The following ZNF7 variants were observed in gnomAD, a reference collection of about 807,000 sequenced individuals.
The protein encoded by ZNF7 is C2-H2 type zinc finger protein.
Under a neutral mutation model 12.0 loss-of-function variants are expected in ZNF7, and 10 were observed. The ratio of observed to expected loss-of-function variants is 0.83; its 90% confidence interval spans 0.51 to 1.42. The LOEUF is 1.42. ZNF7 is among the 40% of genes most tolerant of loss of function. ZNF7 has a pLI of 0.00. For synonymous variants in ZNF7, 334 were observed against 295.0 expected (o/e 1.13, Z -1.35); for missense variants, 854 against 837.2 (o/e 1.02, Z -0.25).
Position 144,843,381 on chromosome 8 carries a change from AGG to A in ZNF7, c.*214_*215del, listed in dbSNP as rs1830237655. On this transcript the variant is annotated 3_prime_UTR_variant, in exon 5 of 5. Coordinates refer to ENST00000532777, the MANE Select transcript of ZNF7 (RefSeq NM_003416.4). ...AAGGCGGGCACATCACGAGGTCAGG[AGG>A]TTGAGACCATCCTGGGTAACAGGTG... 7.9e-6 allele frequency: 4 copies of A among 507,194 alleles called. No individual in the cohort carries two copies. Among genetic ancestry groups the A allele is most frequent in the African/African-American group, 5.9e-5 (3 of 50,878 alleles). The allele number at this position is 507,194 out of a possible 1,614,324, so 31.4% of individuals were successfully genotyped here.
chr8:144,828,260 C>T (rs1014419035), intron 1 of ZNF7, among the ~76,000 whole-genome samples: 10 of 152,306 alleles, frequency 6.6e-5, no homozygotes, highest in African/African-American at 2.4e-4. Context: ...GGTCTGGGGT[C>T]ATTGGCTTAA....
chr8:144,847,109 C>G (rs1231210836), downstream of ZNF7: 1 of 152,220 alleles, frequency 6.6e-6, no homozygotes, highest in Non-Finnish European at 1.5e-5. Flanking sequence ...AGCTACTGCA[C>G]AGCTTTGAGA....
At chr8:144,846,231 A>T, downstream of ZNF7, 1 of 1,501,306 alleles carries the variant, frequency 6.7e-7, no homozygotes, top group Non-Finnish European at 8.9e-7. Context: ...ACTAACAGCA[A>T]CCAGCCAAAA....
At chr8:144,829,178 C>T in intron 2 of ZNF7, 88 bp downstream of exon 2, 2 of 1,598,148 alleles carry the variant, frequency 1.3e-6, no homozygotes, top group Non-Finnish European at 1.7e-6. Context: ...CCAGACCCTA[C>T]CTTGGCCCTT....
chr8:144,843,165 A>C lies in ZNF7; in HGVS notation c.2058A>C (p.Gly686=). ...CCCAGCATCAAAAAATTCACATGGG[A>C]TAGACCACTTACATATAAATGTGTA... is the stretch of plus-strand genomic sequence containing the variant. ...RLTQHQKIHM[G] Residue 686 remains glycine, a synonymous_variant, in exon 5 of 5, where the codon GGA becomes GGC. Transcript: ENST00000532777. 6.3e-7 allele frequency: 1 copy of C among 1,575,140 alleles called. No homozygotes were observed. Among genetic ancestry groups the C allele is most frequent in the Non-Finnish European group, 8.6e-7 (1 of 1,164,418 alleles).
rs747035328 is a variant in ZNF7 at position 144,829,518 on chromosome 8, G to A, written c.44G>A (p.Arg15Gln). The change falls in exon 3 of 5, where the codon CGG (arginine) becomes CAG (glutamine). Residue 15 changes from arginine (R) to glutamine (Q), a missense_variant. Arg to Gln is a conservative substitution (Grantham distance 43). Coordinates refer to ENST00000532777, the MANE Select transcript of ZNF7 (RefSeq NM_003416.4). ...TFGDVAVHFS[R>Q]EEWQCLDPGQ... The stretch of plus-strand genomic sequence containing the variant: ...GGCGATGTGGCTGTGCACTTCTCTC[G>A]GGAGGAGTGGCAGTGTCTGGACCCT... 33 of 1,614,054 alleles carry A rather than the reference G, an allele frequency of 2.0e-5. No homozygotes were observed. Among genetic ancestry groups the A allele is most frequent in the East Asian group, 4.5e-5 (2 of 44,898 alleles).
intron 3 of ZNF7, chr8:144,834,780 G>A (rs1256547513): frequency 1.5e-5 from 2 of 129,084 alleles, no homozygotes; most frequent in Non-Finnish European, 3.2e-5. Context: ...TCGCTCTGTT[G>A]CGCAGGCTGG....
chr8:144,828,780 C>G, intron 1 of ZNF7: 3 of 527,732 alleles, frequency 5.7e-6, no homozygotes, highest in Non-Finnish European at 1.0e-5. Context: ...CCCCATTACT[C>G]AGTGCCTGGC....
downstream of ZNF7, among the ~76,000 whole-genome samples, chr8:144,845,526 A>G (rs1296954321): frequency 1.3e-5 from 2 of 152,114 alleles, no homozygotes; most frequent in African/African-American, 4.8e-5. Flanking sequence ...TTTTGCTGAA[A>G]TTGAATTTTC....
intron 3 of ZNF7, chr8:144,831,116 T>A (rs541885075): frequency 2.3e-6 from 1 of 442,440 alleles, no homozygotes; most frequent in South Asian, 1.6e-5. Context: ...CTGCTGTGCC[T>A]GTCCTCCTCT....
chr8:144,841,829 C>A lies in ZNF7; in HGVS notation c.722C>A (p.Thr241Lys), dbSNP rs77760474. 1 of 1,614,160 alleles carries A rather than the reference C, an allele frequency of 6.2e-7. No individual in the cohort carries two copies. The highest frequency in any genetic ancestry group is 1.3e-5 in the African/African-American group (1 of 75,048). ...KLSDCLQGKH[T>K]NNCHGEKPYE... ...TCTGACTGCTTGCAGGGGAAACATA[C>A]AAATAACTGCCATGGAGAGAAGCCG... Residue 241 changes from threonine (T) to lysine (K), a missense_variant, in exon 5 of 5, where the codon ACA becomes AAA. By Grantham distance (78) the Thr-to-Lys change is moderately conservative. Transcript: ENST00000532777.
chr8:144,838,625 T>TG (rs1487852126), intron 4 of ZNF7: 3 of 155,744 alleles, frequency 1.9e-5, no homozygotes, highest in Middle Eastern at 3.4e-3. Flanking sequence ...GGAAGCAAGT[T>TG]GGACAGTCCA....
At chr8:144,844,310 G>C (rs576427950), downstream of ZNF7, among the ~76,000 whole-genome samples, 3 of 152,194 alleles carry the variant, frequency 2.0e-5, no homozygotes, top group Non-Finnish European at 4.4e-5. Flanking sequence ...GCACACCCGT[G>C]TGCGCACAGG....
intron 2 of ZNF7, 88 bp downstream of exon 2, chr8:144,829,178 C>A: frequency 6.3e-7 from 1 of 1,598,148 alleles, no homozygotes; most frequent in Non-Finnish European, 8.5e-7. Context: ...CCAGACCCTA[C>A]CTTGGCCCTT....
At chr8:144,827,649 G>A (rs377497020) in intron 1 of ZNF7, 40 bp downstream of exon 1, 1 of 985,514 alleles carries the variant, frequency 1.0e-6, no homozygotes, top group Non-Finnish European at 1.2e-6. Flanking sequence ...GTTGCCCTCG[G>A]TCCGAGTGAT....
downstream of ZNF7, among the ~76,000 whole-genome samples, chr8:144,845,713 T>A (rs1215736082): frequency 1.3e-5 from 2 of 152,134 alleles, no homozygotes; most frequent in African/African-American, 4.8e-5. Context: ...ACTGGTGACC[T>A]CCCACCTGCC....
chr8:144,830,463 T>C (rs923520825), intron 3 of ZNF7, among the ~76,000 whole-genome samples: 5 of 152,256 alleles, frequency 3.3e-5, no homozygotes, highest in Non-Finnish European at 5.9e-5. Context: ...GAAATATCTG[T>C]TCAGGGCATT....
downstream of ZNF7, among the ~76,000 whole-genome samples, chr8:144,844,363 CTTTT>C (rs947620627): frequency 1.7e-4 from 26 of 151,956 alleles, no homozygotes; most frequent in African/African-American, 5.3e-4. Context: ...AGTTGCCCCA[CTTTT>C]TTTTGGTAGG....
At chr8:144,835,947 G>A (rs930316240) in intron 3 of ZNF7, 1 of 152,172 alleles carries the variant, frequency 6.6e-6, no homozygotes, top group Non-Finnish European at 1.5e-5. Flanking sequence ...CAAAGTGCTG[G>A]AATTACAGGT....
Sources: allele counts gnomAD v4.1 joint callset (sites outside exome capture counted in the v4.1 genomes callset), GRCh38; gene constraint gnomAD v4.1.1; transcripts MANE v1.5; gene names NCBI Gene and HGNC (gene_info 2026-07-23, HGNC 2026-07-21).